TNFRSF19: variants seen among roughly 807,000 people sequenced by gnomAD.
The protein encoded by TNFRSF19 is TNF receptor superfamily member 19, also known as tumor necrosis factor receptor superfamily member 19.
Under a neutral mutation model 46.4 loss-of-function variants are expected in TNFRSF19, and 27 were observed. The observed-to-expected ratio is 0.58, with a 90% CI of 0.43 to 0.80. The LOEUF (loss-of-function observed/expected upper bound fraction) is 0.80, where lower values mean the gene tolerates loss of function less well. TNFRSF19 is among the 30% of genes least tolerant of loss of function. The pLI is 0.00. For missense variants in TNFRSF19, 511 were observed against 530.8 expected, an observed-to-expected ratio of 0.96 and a Z score of 0.37; for synonymous variants, 204 against 205.0, an observed-to-expected ratio of 1.00 and a Z score of 0.04.
chr13:23,625,827 C>G (rs971672435), intron 4 of TNFRSF19, among the ~76,000 whole-genome samples: 2 of 152,202 alleles, frequency 1.3e-5, no homozygotes, highest in South Asian at 2.1e-4. Flanking sequence ...CACACCAGCA[C>G]TTGACTAATT....
intron 3 of TNFRSF19, among the ~76,000 whole-genome samples, chr13:23,596,816 A>G (rs1268904027): frequency 1.3e-5 from 2 of 152,196 alleles, no homozygotes; most frequent in East Asian, 3.8e-4. Context: ...TCAGCACCAC[A>G]TCGCACTTAC....
intron 7 of TNFRSF19, among the ~76,000 whole-genome samples, chr13:23,662,696 G>A (rs764453524): frequency 3.9e-5 from 6 of 152,236 alleles, no homozygotes; most frequent in Non-Finnish European, 8.8e-5. Flanking sequence ...TGTCTTCTCT[G>A]ATTTGTTTGA....
chr13:23,597,205 C>G (rs933083980), intron 3 of TNFRSF19, among the ~76,000 whole-genome samples: 1 of 152,016 alleles, frequency 6.6e-6, no homozygotes, highest in East Asian at 1.9e-4. Flanking sequence ...CAAGGGCAAA[C>G]AAATTCAAAA....
chr13:23,630,402 CCT>C, intron 5 of TNFRSF19, among the ~76,000 whole-genome samples: 1 of 152,208 alleles, frequency 6.6e-6, no homozygotes, highest in Non-Finnish European at 1.5e-5. Context: ...CAGTCTCTCC[CCT>C]CTCTATCTGG....
chr13:23,633,280 T>C (rs1882466870), intron 5 of TNFRSF19, among the ~76,000 whole-genome samples: 1 of 152,088 alleles, frequency 6.6e-6, no homozygotes, highest in Non-Finnish European at 1.5e-5. Flanking sequence ...GGCTGGCTAG[T>C]TTTTGTGTTT....
chr13:23,626,202 TGTG>T lies in TNFRSF19; in HGVS notation c.360-504_360-502del, dbSNP rs1383684776. Among the ~76,000 whole-genome samples the T allele has an allele frequency of 2.6e-5, 4 of 151,486 alleles. No homozygotes were observed. In the East Asian group the frequency reaches 7.7e-4, roughly 29 times the overall value. On this transcript the variant is annotated intron_variant, in intron 4 of 9. Coordinates refer to ENST00000248484, the MANE Select transcript of TNFRSF19 (RefSeq NM_148957.4). The stretch of plus-strand genomic sequence containing the variant: ...TCTTTAAAATCTGTGTGTGTGTGTG[TGTG>T]TGTGTGTGTGTGTGTGTGGTTGCTG...
intron 1 of TNFRSF19, among the ~76,000 whole-genome samples, chr13:23,575,288 TTGCTC>T (rs1341110607): frequency 2.0e-5 from 3 of 152,176 alleles, no homozygotes; most frequent in African/African-American, 7.2e-5. Context: ...TGTAACAACT[TTGCTC>T]TGTAAGTGTC....
At chr13:23,637,142 T>C (rs1026320965) in intron 5 of TNFRSF19, among the ~76,000 whole-genome samples, 1 of 152,170 alleles carries the variant, frequency 6.6e-6, no homozygotes, top group Non-Finnish European at 1.5e-5. Context: ...CATGAGTGTT[T>C]TCTATGATTT....
intron 4 of TNFRSF19, among the ~76,000 whole-genome samples, chr13:23,625,550 G>A (rs910007714): frequency 4.6e-5 from 7 of 151,744 alleles, no homozygotes; most frequent in South Asian, 2.1e-4. Context: ...GGATGGTCTC[G>A]ATCTCCTGAC....
At chr13:23,598,034 A>C (rs946028915) in intron 3 of TNFRSF19, among the ~76,000 whole-genome samples, 20 of 152,230 alleles carry the variant, frequency 1.3e-4, no homozygotes, top group African/African-American at 4.8e-4. Flanking sequence ...AAGACCTTTG[A>C]CAAAATTCAC....
chr13:23,625,673 G>A (rs913585353), intron 4 of TNFRSF19, among the ~76,000 whole-genome samples: 3 of 151,852 alleles, frequency 2.0e-5, no homozygotes, highest in African/African-American at 7.3e-5. Context: ...ATTTCTTTAG[G>A]ATGAGTTTCT....
intron 5 of TNFRSF19, among the ~76,000 whole-genome samples, chr13:23,645,829 G>C (rs1031108388): frequency 6.6e-6 from 1 of 152,148 alleles, no homozygotes; most frequent in Admixed American, 6.5e-5. Flanking sequence ...ACGGATCCAC[G>C]TGGATAAATA....
chr13:23,668,593 A>G (rs1450336323), intron 8 of TNFRSF19, 99 bp from the exon 9 acceptor site: 6 of 1,384,740 alleles, frequency 4.3e-6, no homozygotes, highest in East Asian at 2.3e-5. Context: ...GTAAATTGCT[A>G]TTTCATTTAG....
chr13:23,665,553 T>C (rs1488329427), intron 7 of TNFRSF19, among the ~76,000 whole-genome samples: 1 of 146,108 alleles, frequency 6.8e-6, no homozygotes, highest in Non-Finnish European at 1.5e-5. Flanking sequence ...AATTCCCACA[T>C]GTCCTTTACC....
chr13:23,590,181 A>T lies in TNFRSF19; in HGVS notation c.-3A>T. 1 of 1,581,450 alleles carries T rather than the reference A, an allele frequency of 6.3e-7. No individual in the cohort carries two copies. Among genetic ancestry groups the T allele is most frequent in the Non-Finnish European group, 8.6e-7 (1 of 1,158,652 alleles). On this transcript the variant is annotated 5_prime_UTR_variant, in exon 2 of 10. Transcript: ENST00000248484. ...CCAACAATAAATACATTTGATAAGA[A>T]AGATGGCTTTAAAAGTGCTACTAGA...
chr13:23,648,316 C>G (rs993297002), intron 5 of TNFRSF19, among the ~76,000 whole-genome samples: 1 of 152,036 alleles, frequency 6.6e-6, no homozygotes, highest in Non-Finnish European at 1.5e-5. Context: ...CTTTGTTAAA[C>G]TTATTCTTAA....
At chr13:23,645,439 T>G (rs1016988765) in intron 5 of TNFRSF19, among the ~76,000 whole-genome samples, 1 of 152,146 alleles carries the variant, frequency 6.6e-6, no homozygotes, top group Non-Finnish European at 1.5e-5. Context: ...TGGCATCAAG[T>G]GATCTTACCG....
In TNFRSF19 at chr13:23,582,409, A is replaced by T. The variant is rs183278901; in HGVS notation, c.-34-7741A>T. The stretch of plus-strand genomic sequence containing the variant: ...GTGCGAGACTCCGTCTCAAAAAAAA[A>T]AATAATAATAAAGATTTGGGATAAT... On this transcript the variant is annotated intron_variant, in intron 1 of 9. Transcript: ENST00000248484. Among the ~76,000 whole-genome samples the T allele has an allele frequency of 3.2e-3, 480 of 152,210 alleles. 4 individuals carry two copies. Among genetic ancestry groups the T allele is most frequent in the Non-Finnish European group, 4.2e-3 (283 of 68,022 alleles).
In TNFRSF19 at chr13:23,666,070, T is replaced by C. The variant is rs142159073; in HGVS notation, c.737-1910T>C. 7.6e-3 allele frequency among the ~76,000 whole-genome samples: 1,161 copies of C among 152,358 alleles called. 18 individuals are homozygous for C. The highest frequency in any genetic ancestry group is 0.026 in the African/African-American group (1,100 of 41,592). On this transcript the variant is annotated intron_variant, in intron 7 of 9. Transcript: ENST00000248484. ...AGATTCAGAAATACTGCTGAGGGGA[T>C]GCTGAGTCCTCAGCGCACTGTATCA...
Sources: gnomAD v4.1 joint callset for allele counts (sites outside exome capture counted in the v4.1 genomes callset) on GRCh38, gnomAD v4.1.1 for gene constraint, MANE v1.5 for transcripts, NCBI Gene and HGNC (gene_info 2026-07-23, HGNC 2026-07-21) for gene names.